The following PTPN5 variants were observed in gnomAD, a reference collection of about 807,000 sequenced individuals.
PTPN5 encodes the protein protein tyrosine phosphatase non-receptor type 5.
Under a neutral mutation model 73.9 loss-of-function variants are expected in PTPN5, and 29 were observed. The observed-to-expected ratio is 0.39, with a 90% CI of 0.29 to 0.54. PTPN5 has a LOEUF of 0.54. Ranked by LOEUF, PTPN5 falls within the 20% of genes least tolerant of loss-of-function variation. The pLI is 0.65. For synonymous variants in PTPN5, 267 were observed against 304.7 expected (o/e 0.88, Z 1.29); for missense variants, 652 against 751.4 (o/e 0.87, Z 1.55).
In PTPN5 at chr11:18,765,849, C is replaced by T. The variant is rs770370030; in HGVS notation, c.55G>A (p.Glu19Lys). Reference protein sequence around the residue: ...ERENHAADDSEGGALDMCCSE... With the variant: ...ERENHAADDSKGGALDMCCSE... ...CAGCACATGTCCAGGGCCCCTCCCT[C>T]GGAGTCATCAGCAGCGTGGTTCTCT... Residue 19 changes from glutamate (E) to lysine (K), a missense_variant, in exon 3 of 15, where the codon GAG (glutamate) becomes AAG (lysine). This residue lies in a region of PTPN5 where 529 missense variants were observed against 573.9 expected (regional missense o/e 0.92). Coordinates refer to ENST00000358540, the MANE Select transcript of PTPN5 (RefSeq NM_006906.2). The T allele has an allele frequency of 1.2e-5, 19 of 1,583,104 alleles. No individual in the cohort carries two copies. In the East Asian group the frequency reaches 1.6e-4, roughly 13 times the overall value.
Position 18,740,757 on chromosome 11 carries a change from C to T in PTPN5, c.761G>A (p.Cys254Tyr). ...GCCCTCCTCGTTGCAGCCCGGAGTGCACATGTCCAGGGTCAGGGAGACATT... is the reference window on the plus strand; with the variant it reads ...GCCCTCCTCGTTGCAGCCCGGAGTGTACATGTCCAGGGTCAGGGAGACATT... The part of the protein sequence containing the change: ...GSNVSLTLDM[C>Y]TPGCNEEGFG... Residue 254 changes from cysteine to tyrosine, a missense_variant, in exon 8 of 15, where the codon TGC becomes TAC. Physicochemically the swap from Cys to Tyr is radical, Grantham distance 194. Coordinates refer to ENST00000358540, the MANE Select transcript of PTPN5 (RefSeq NM_006906.2). 1 of 1,590,284 alleles carries T rather than the reference C, an allele frequency of 6.3e-7. No homozygotes were observed. The highest frequency in any genetic ancestry group is 8.6e-7 in the Non-Finnish European group (1 of 1,166,506).
At chr11:18,747,985 T>C (rs1202919406) in intron 3 of PTPN5, among the ~76,000 whole-genome samples, 1 of 152,154 alleles carries the variant, frequency 6.6e-6, no homozygotes, top group Admixed American at 6.5e-5. Flanking sequence ...TTAGAGGTGA[T>C]TTCATTTACA....
intron 1 of PTPN5, among the ~76,000 whole-genome samples, chr11:18,777,372 T>C (rs2134340734): frequency 6.6e-6 from 1 of 152,330 alleles, no homozygotes; most frequent in East Asian, 1.9e-4. Context: ...TGAATGTTGA[T>C]CTTCACACAA....
intron 1 of PTPN5, among the ~76,000 whole-genome samples, chr11:18,777,415 G>T (rs948599871): frequency 6.6e-6 from 1 of 152,164 alleles, no homozygotes; most frequent in Non-Finnish European, 1.5e-5. Flanking sequence ...AAAATGTGTA[G>T]ATCAGGGCCA....
intron 9 of PTPN5, among the ~76,000 whole-genome samples, chr11:18,735,050 A>G (rs1002064791): frequency 3.9e-5 from 6 of 152,226 alleles, no homozygotes; most frequent in African/African-American, 1.4e-4. Flanking sequence ...GACCTTGCTT[A>G]TCTTGTAAAG....
At chr11:18,756,277 G>A (rs1282430871) in intron 3 of PTPN5, among the ~76,000 whole-genome samples, 2 of 147,470 alleles carry the variant, frequency 1.4e-5, no homozygotes, top group Non-Finnish European at 3.0e-5. Context: ...ACTCTTCTTG[G>A]TCCCTTACAT....
rs976247814 is a variant in PTPN5 at position 18,756,362 on chromosome 11, T to A, written c.97+9445A>T. Among the ~76,000 whole-genome samples, 4 of 148,868 alleles carry A rather than the reference T, an allele frequency of 2.7e-5. No homozygotes were observed. In the East Asian group the frequency reaches 6.2e-4, roughly 23 times the overall value. On this transcript the variant is annotated intron_variant, in intron 3 of 14. Transcript: ENST00000358540. ...CCCAAGCTGGAGTGCAGTGGCATGA[T>A]CTCTGCTCACTGTAACCTCTGCTTC...
chr11:18,790,286 G>A (rs1851856740), intron 1 of PTPN5, among the ~76,000 whole-genome samples: 1 of 152,082 alleles, frequency 6.6e-6, no homozygotes, highest in Non-Finnish European at 1.5e-5. Context: ...GGGGACCTCC[G>A]CAAAGGGATG....
At chr11:18,770,824 C>G (rs187944043) in intron 2 of PTPN5, among the ~76,000 whole-genome samples, 3 of 152,220 alleles carry the variant, frequency 2.0e-5, no homozygotes, top group African/African-American at 4.8e-5. Context: ...CAGCCTAGAC[C>G]ACCCACCCCA....
At chr11:18,780,926 G>A (rs556007520) in intron 1 of PTPN5, among the ~76,000 whole-genome samples, 9 of 152,268 alleles carry the variant, frequency 5.9e-5, no homozygotes, top group Non-Finnish European at 1.0e-4. Flanking sequence ...TGAGTGGAAA[G>A]GAGTGAAGGA....
intron 1 of PTPN5, among the ~76,000 whole-genome samples, chr11:18,783,963 CTTCTCTG>C (rs1174605094): frequency 2.0e-5 from 3 of 152,334 alleles, no homozygotes; most frequent in Non-Finnish European, 4.4e-5. Flanking sequence ...CCTCTTCTCT[CTTCTCTG>C]TTACCTCCAT....
chr11:18,743,418 C>T lies in PTPN5; in HGVS notation c.303G>A (p.Gly101=). ...GGCCATAACCGCTGAACCAGAGCAC[C>T]CCACAGGCAAGCTGGGGCACAGGGG... is the stretch of plus-strand genomic sequence containing the variant. ...FAASQFLLAC[G]VLWFSGYGHI... Residue 101 remains glycine, a synonymous_variant, in exon 5 of 15, where the codon GGG becomes GGA. Transcript: ENST00000358540. The T allele has an allele frequency of 6.2e-7, 1 of 1,614,096 alleles. No individual in the cohort carries two copies. The highest frequency in any genetic ancestry group is 1.3e-5 in the African/African-American group (1 of 75,026).
chr11:18,790,350 G>T (rs964815033), intron 1 of PTPN5, among the ~76,000 whole-genome samples: 12 of 152,142 alleles, frequency 7.9e-5, no homozygotes, highest in African/African-American at 2.7e-4. Flanking sequence ...GGAGGGAAGG[G>T]TGACTGGGAG....
intron 3 of PTPN5, among the ~76,000 whole-genome samples, chr11:18,747,077 T>C (rs1019779984): frequency 2.0e-5 from 3 of 152,174 alleles, no homozygotes; most frequent in Non-Finnish European, 4.4e-5. Flanking sequence ...TCAGCGCTTC[T>C]TAGATGTTTC....
At chr11:18,778,802 G>C (rs1297187072) in intron 1 of PTPN5, among the ~76,000 whole-genome samples, 1 of 152,144 alleles carries the variant, frequency 6.6e-6, no homozygotes, top group Non-Finnish European at 1.5e-5. Flanking sequence ...TGAAATTGCT[G>C]CATTTCTTTA....
At chr11:18,750,857 T>C (rs1438310244) in intron 3 of PTPN5, among the ~76,000 whole-genome samples, 2 of 152,156 alleles carry the variant, frequency 1.3e-5, no homozygotes, top group Non-Finnish European at 2.9e-5. Context: ...GTGACAAAAC[T>C]GGACTTGAAC....
intron 12 of PTPN5, chr11:18,730,028 T>C (rs990829907): frequency 9.6e-6 from 6 of 623,060 alleles, no homozygotes; most frequent in Non-Finnish European, 1.2e-5. Context: ...TCAGCAGCGT[T>C]GGCATGGATC....
At chr11:18,772,546 T>C (rs1850951230) in intron 1 of PTPN5, among the ~76,000 whole-genome samples, 2 of 152,180 alleles carry the variant, frequency 1.3e-5, no homozygotes, top group African/African-American at 4.8e-5. Flanking sequence ...GCTTGGGATG[T>C]GCCCAGACAA....
At chr11:18,735,767 CCAAA>C (rs1564889530) in intron 9 of PTPN5, among the ~76,000 whole-genome samples, 1 of 90,432 alleles carries the variant, frequency 1.1e-5, no homozygotes. Flanking sequence ...TCTGTCTCCC[CCAAA>C]AAAAAAAAAA....
Sources: allele counts gnomAD v4.1 joint callset (sites outside exome capture counted in the v4.1 genomes callset), GRCh38; gene constraint gnomAD v4.1.1; regional missense constraint gnomAD v4.1.1; transcripts MANE v1.5; gene names NCBI Gene and HGNC (gene_info 2026-07-23, HGNC 2026-07-21).